The following IRAK1BP1 variants were observed in gnomAD, a reference collection of about 807,000 sequenced individuals.
IRAK1BP1 encodes the protein interleukin-1 receptor-associated kinase 1-binding protein 1.
Under a neutral mutation model 28.0 loss-of-function variants are expected in IRAK1BP1, and 24 were observed. The observed-to-expected ratio is 0.86, with a 90% confidence interval of 0.62 to 1.20. The LOEUF is 1.20. Ranked by LOEUF, IRAK1BP1 falls within the 50% of genes most tolerant of loss-of-function variation. The probability of loss-of-function intolerance (pLI) is 0.00; values close to 1 mark genes in which losing one functional copy is unlikely to be tolerated. For synonymous variants in IRAK1BP1, 131 were observed against 116.3 expected (o/e 1.13, Z -0.81); for missense variants, 336 against 316.7 (o/e 1.06, Z -0.46).
chr6:78,955,526 A>G, the IRAK1BP1 span: 2 of 582,818 alleles, frequency 3.4e-6, no homozygotes, highest in South Asian at 4.9e-5. Context: ...AATAATGTTC[A>G]CAACAGCTTT....
At position 78,902,107 on chromosome 6, in the gene IRAK1BP1, C is replaced by T. The variant is rs939972628; in HGVS notation, c.*3773C>T. 2.0e-5 allele frequency: 3 copies of T among 152,158 alleles called. No homozygotes were observed. Among genetic ancestry groups the T allele is most frequent in the Admixed American group, 6.5e-5 (1 of 15,272 alleles). 9.4% of individuals were successfully genotyped at this position (152,158 alleles called of 1,614,324 possible). On this transcript the variant is annotated 3_prime_UTR_variant, in exon 4 of 4. Coordinates refer to ENST00000369940, the MANE Select transcript of IRAK1BP1 (RefSeq NM_001010844.4). ...GTTTAAGCTAACATTTAGACATTTA[C>T]TATTACATATATGGTATTTGCAACC... is the stretch of plus-strand genomic sequence containing the variant.
chr6:78,965,332 C>T, the IRAK1BP1 span, among the ~76,000 whole-genome samples: 4 of 152,240 alleles, frequency 2.6e-5, no homozygotes, highest in East Asian at 5.8e-4. Flanking sequence ...AGGATATGAA[C>T]TGATGTCCGT....
intron 2 of IRAK1BP1, among the ~76,000 whole-genome samples, chr6:78,896,989 G>T (rs114864297): frequency 6.6e-6 from 1 of 151,926 alleles, no homozygotes; most frequent in Non-Finnish European, 1.5e-5. Flanking sequence ...TTTAGGCTGC[G>T]TGTGGTGTCT....
chr6:78,965,413 C>G, the IRAK1BP1 span, among the ~76,000 whole-genome samples: 1 of 152,190 alleles, frequency 6.6e-6, no homozygotes, highest in Admixed American at 6.5e-5. Flanking sequence ...ACAAAAGTGT[C>G]TCTGCCTCCC....
the IRAK1BP1 span, chr6:78,970,193 T>C: frequency 2.5e-6 from 4 of 1,602,362 alleles, no homozygotes; most frequent in Middle Eastern, 1.7e-4. Flanking sequence ...ACAGAGAATA[T>C]AAGGAACCAT....
At position 78,941,218 on chromosome 6, in the gene IRAK1BP1, A is replaced by T. The variant is rs1369466541; in HGVS notation, c.*68-4190A>T. 10 of 1,613,788 alleles carry T rather than the reference A, an allele frequency of 6.2e-6. No individual in the cohort carries two copies. The highest frequency in any genetic ancestry group is 1.6e-4 in the Middle Eastern group (1 of 6,084). On this transcript the variant is annotated intron_variant and NMD_transcript_variant, in intron 4 of 4. Transcript: ENST00000606868. ...GTATAATTTCACCACTATTGGTATT[A>T]ACTTCTACTTTAGGTTTCCTTCCAG...
chr6:78,945,948 G>A lies in IRAK1BP1; in HGVS notation c.*608G>A. On this transcript the variant is annotated 3_prime_UTR_variant and NMD_transcript_variant, in exon 5 of 5. Coordinates refer to the IRAK1BP1 transcript ENST00000606868. ...GTATATTGCATTTGGCAAAGTAAAA[G>A]CTTAAATTAAGAAAATCATCATATA... is the stretch of plus-strand genomic sequence containing the variant. 5.2e-6 allele frequency: 7 copies of A among 1,346,964 alleles called. No homozygotes were observed. In the South Asian group the frequency reaches 7.6e-5, roughly 15 times the overall value. 83.4% of individuals were successfully genotyped at this position (1,346,964 alleles called of 1,614,324 possible).
Position 78,867,780 on chromosome 6 carries a change from G to T in IRAK1BP1, c.204G>T (p.Ala68=), listed in dbSNP as rs1770633301. ...TSEVSAGPDR[A]QVVVRVSSTK... ...AAGTGTCTGCGGGCCCTGACCGGGC[G>T]CAGGTGGTGGTGCGAGTGAGCAGCA... The change falls in exon 1 of 4, where the codon GCG becomes GCT. Residue 68 remains alanine, a synonymous_variant. Coordinates refer to ENST00000369940, the MANE Select transcript of IRAK1BP1 (RefSeq NM_001010844.4). 1 of 1,613,928 alleles carries T rather than the reference G, an allele frequency of 6.2e-7. No homozygotes were observed. The highest frequency in any genetic ancestry group is 8.5e-7 in the Non-Finnish European group (1 of 1,179,938).
At chr6:78,924,789 A>G (rs374460122) in intron 4 of IRAK1BP1, among the ~76,000 whole-genome samples, 3 of 152,362 alleles carry the variant, frequency 2.0e-5, no homozygotes, top group East Asian at 3.9e-4. Flanking sequence ...AATGTAATCC[A>G]GCATATAAAC....
At chr6:78,955,242 C>T in the IRAK1BP1 span, 56 of 1,605,816 alleles carry the variant, frequency 3.5e-5, no homozygotes, top group Admixed American at 5.1e-5. Context: ...CTTCCTTTTT[C>T]GAGTAGAAGT....
the IRAK1BP1 span, among the ~76,000 whole-genome samples, chr6:78,972,477 T>C: frequency 6.6e-5 from 10 of 152,248 alleles, no homozygotes; most frequent in African/African-American, 2.4e-4. Context: ...GCACCTCTCC[T>C]CCTCCAAAGG....
At chr6:78,913,747 T>G (rs767909071) in intron 4 of IRAK1BP1, among the ~76,000 whole-genome samples, 10 of 152,342 alleles carry the variant, frequency 6.6e-5, no homozygotes, top group Non-Finnish European at 1.3e-4. Context: ...CAGTGAAACC[T>G]CTACTTTTTT....
the IRAK1BP1 span, among the ~76,000 whole-genome samples, chr6:78,975,448 C>A: frequency 6.6e-6 from 1 of 152,170 alleles, no homozygotes; most frequent in Admixed American, 6.5e-5. Context: ...GAAGCATTCC[C>A]TTTGAAAACT....
At chr6:78,963,066 T>C in the IRAK1BP1 span, 1 of 1,539,342 alleles carries the variant, frequency 6.5e-7, no homozygotes, top group Non-Finnish European at 8.7e-7. Flanking sequence ...TTCTGCCAGT[T>C]TTTTCTATAC....
At chr6:78,942,393 G>A (rs1035805535) in intron 4 of IRAK1BP1, among the ~76,000 whole-genome samples, 3 of 152,200 alleles carry the variant, frequency 2.0e-5, no homozygotes, top group African/African-American at 7.2e-5. Flanking sequence ...TGAGGCAGGA[G>A]AATCCTTTGA....
rs558949454 is a variant in IRAK1BP1 at position 78,932,581 on chromosome 6, G to T, written c.*68-12827G>T. ...GGATTACAGGCACACACCAAGCCTG[G>T]CTAATTTTTGTATTTTTAGTAGAGA... On this transcript the variant is annotated intron_variant and NMD_transcript_variant, in intron 4 of 4. Transcript: ENST00000606868. Among the ~76,000 whole-genome samples, 3 of 151,900 alleles carry T rather than the reference G, an allele frequency of 2.0e-5. No individual in the cohort carries two copies. In the East Asian group the frequency reaches 5.8e-4, roughly 29 times the overall value.
intron 1 of IRAK1BP1, among the ~76,000 whole-genome samples, chr6:78,881,274 C>G (rs1228763218): frequency 6.6e-6 from 1 of 152,084 alleles, no homozygotes; most frequent in Non-Finnish European, 1.5e-5. Context: ...GACCCAAAAG[C>G]TTTGAATTTT....
At chr6:78,878,850 G>A (rs1480547111) in intron 1 of IRAK1BP1, among the ~76,000 whole-genome samples, 7 of 152,270 alleles carry the variant, frequency 4.6e-5, no homozygotes, top group African/African-American at 1.4e-4. Context: ...ACTACGTGAC[G>A]CATGCACAAG....
chr6:78,873,608 A>G (rs116984077), intron 1 of IRAK1BP1, among the ~76,000 whole-genome samples: 16,788 of 151,932 alleles, frequency 0.11, 1,243 homozygotes, highest in Non-Finnish European at 0.15. Context: ...CCTCCCAAAT[A>G]GCTAGGACTA....
Sources: allele counts gnomAD v4.1 joint callset (sites outside exome capture counted in the v4.1 genomes callset), GRCh38; gene constraint gnomAD v4.1.1; transcripts MANE v1.5; gene names NCBI Gene and HGNC (gene_info 2026-07-23, HGNC 2026-07-21).